Variants in TBC1D32 observed in about 807,000 individuals in gnomAD.
TBC1D32 encodes TBC1 domain family member 32.
In TBC1D32, 151 loss-of-function variants were observed where a neutral mutation model predicts 170.3. The observed-to-expected ratio is 0.89, with a 90% CI of 0.78 to 1.01. TBC1D32 has a LOEUF of 1.01. Ranked by LOEUF, TBC1D32 falls within the 50% of genes least tolerant of loss-of-function variation. The pLI, the probability that TBC1D32 is intolerant of heterozygous loss-of-function variation, is 0.00. For synonymous variants in TBC1D32, 498 were observed against 488.0 expected (o/e 1.02, Z -0.27); for missense variants, 1,464 against 1,457.1 (o/e 1.00, Z -0.08).
At position 121,212,446 on chromosome 6, in the gene TBC1D32, ATCTCT is replaced by A. The variant is rs1562928749; in HGVS notation, c.2482-7288_2482-7284del. ...ACAACAAAAAAAACTTCAGGTCAAT[ATCTCT>A]TTTTTTTTTTTTTTTTTTTTGAGAT... On this transcript the variant is annotated intron_variant, in intron 21 of 31. Coordinates refer to ENST00000398212, the MANE Select transcript of TBC1D32 (RefSeq NM_152730.6). Among the ~76,000 whole-genome samples the A allele has an allele frequency of 4.5e-4, 61 of 135,054 alleles. No homozygotes were observed. The South Asian group carries it at 0.013, about 28-fold the overall frequency. 88.6% of individuals were successfully genotyped at this position (135,054 alleles called of 152,430 possible).
chr6:121,316,426 C>T (rs1236709294), intron 3 of TBC1D32, among the ~76,000 whole-genome samples: 1 of 152,144 alleles, frequency 6.6e-6, no homozygotes, highest in Non-Finnish European at 1.5e-5. Flanking sequence ...AATAAACTTA[C>T]TAAACAAGCC....
intron 30 of TBC1D32, among the ~76,000 whole-genome samples, chr6:121,101,677 C>T (rs13219090): frequency 6.6e-6 from 1 of 152,106 alleles, no homozygotes; most frequent in Non-Finnish European, 1.5e-5. Flanking sequence ...AAAACTGGCA[C>T]AAGACAGGGA....
At chr6:121,155,425 A>G (rs1344706908) in intron 24 of TBC1D32, among the ~76,000 whole-genome samples, 1 of 152,140 alleles carries the variant, frequency 6.6e-6, no homozygotes, top group African/African-American at 2.4e-5. Flanking sequence ...TTCTATGTAT[A>G]GAATTGTATC....
At chr6:121,174,910 A>T (rs953300264) in intron 22 of TBC1D32, among the ~76,000 whole-genome samples, 1 of 151,268 alleles carries the variant, frequency 6.6e-6, no homozygotes, top group Non-Finnish European at 1.5e-5. Flanking sequence ...ACACACCCAT[A>T]GGTCCCAGCT....
chr6:121,086,047 TTC>T (rs1044809284), intron 31 of TBC1D32, among the ~76,000 whole-genome samples: 2 of 152,048 alleles, frequency 1.3e-5, no homozygotes, highest in African/African-American at 4.8e-5. Context: ...ACTCAGAAAA[TTC>T]TGTTTCCTTT....
intron 26 of TBC1D32, among the ~76,000 whole-genome samples, chr6:121,120,868 T>C (rs1404778759): frequency 5.3e-5 from 8 of 151,956 alleles, no homozygotes; most frequent in Non-Finnish European, 1.2e-4. Flanking sequence ...TTTCTTTGTT[T>C]TAATTCTCTT....
At chr6:121,172,448 T>G (rs1787163366) in intron 22 of TBC1D32, among the ~76,000 whole-genome samples, 1 of 152,124 alleles carries the variant, frequency 6.6e-6, no homozygotes. Flanking sequence ...GGTATTACCA[T>G]GCCCTGTGAT....
chr6:121,237,951 T>C (rs2128353221), intron 20 of TBC1D32, among the ~76,000 whole-genome samples: 1 of 152,154 alleles, frequency 6.6e-6, no homozygotes, highest in South Asian at 2.1e-4. Context: ...TCTATTATAC[T>C]CCCTGACAAA....
rs138999181 is a variant in TBC1D32 at position 121,263,138 on chromosome 6, T to C, written c.1734-6853A>G. ...CAATTAAAAGATACAGACTGGAAAA[T>C]TGGATAAAGAGTCAAGACGAATCAG... On this transcript the variant is annotated intron_variant, in intron 15 of 31. Coordinates refer to ENST00000398212, the MANE Select transcript of TBC1D32 (RefSeq NM_152730.6). 5.7e-3 allele frequency among the ~76,000 whole-genome samples: 868 copies of C among 151,930 alleles called. 9 individuals are homozygous for C. Among genetic ancestry groups the C allele is most frequent in the African/African-American group, 0.02 (824 of 41,456 alleles).
chr6:121,113,503 C>T (rs1779401083), intron 27 of TBC1D32, among the ~76,000 whole-genome samples: 1 of 151,998 alleles, frequency 6.6e-6, no homozygotes, highest in Admixed American at 6.6e-5. Context: ...TCTAGAAGTA[C>T]CTTTAGAGTT....
chr6:121,275,372 C>T (rs1802079281), intron 15 of TBC1D32, among the ~76,000 whole-genome samples: 2 of 152,088 alleles, frequency 1.3e-5, no homozygotes, highest in African/African-American at 4.8e-5. Flanking sequence ...TTCCTGTATG[C>T]ATACATAACT....
chr6:121,239,020 C>A (rs1410486932), intron 20 of TBC1D32, 50 bp downstream of exon 20: 1 of 1,022,382 alleles, frequency 9.8e-7, no homozygotes, highest in Non-Finnish European at 1.5e-6. Flanking sequence ...GAATTCATTT[C>A]TGTGAAATAC....
At chr6:121,186,018 T>C (rs983931209) in intron 22 of TBC1D32, among the ~76,000 whole-genome samples, 13 of 152,114 alleles carry the variant, frequency 8.5e-5, no homozygotes, top group South Asian at 2.1e-4. Flanking sequence ...TACATGAGTC[T>C]ATGAACTAAA....
At chr6:121,260,247 C>G (rs552379772) in intron 15 of TBC1D32, among the ~76,000 whole-genome samples, 4 of 151,794 alleles carry the variant, frequency 2.6e-5, no homozygotes, top group Admixed American at 2.6e-4. Context: ...TAAAAAAGAC[C>G]ATGATGAGAA....
intron 30 of TBC1D32, among the ~76,000 whole-genome samples, chr6:121,097,110 GCAATAC>G (rs1777504969): frequency 6.6e-6 from 1 of 152,016 alleles, no homozygotes; most frequent in Admixed American, 6.6e-5. Context: ...GAAAACCTAG[GCAATAC>G]CATTCAGAAC....
intron 22 of TBC1D32, among the ~76,000 whole-genome samples, chr6:121,189,264 A>G (rs1168564063): frequency 6.6e-6 from 1 of 152,064 alleles, no homozygotes; most frequent in African/African-American, 2.4e-5. Flanking sequence ...AAATCACAGC[A>G]TACTCAATCA....
At chr6:121,291,897 A>C (rs75562388) in intron 12 of TBC1D32, among the ~76,000 whole-genome samples, 156 bp downstream of exon 12, 4,961 of 152,188 alleles carry the variant, frequency 0.033, 189 homozygotes, top group East Asian at 0.12. Flanking sequence ...AACTAAAAGA[A>C]AACAAATACT....
In TBC1D32 at chr6:121,279,138, C is replaced by T. The variant is rs1223464058; in HGVS notation, c.1716G>A (p.Met572Ile). 9 of 1,603,866 alleles carry T rather than the reference C, an allele frequency of 5.6e-6. No individual in the cohort carries two copies. The highest frequency in any genetic ancestry group is 2.2e-5 in the East Asian group (1 of 44,654). ...GCACATACCTTTCTTCAGAAGAGTT[C>T]ATATTTGCTCCATAAAGGAGTAAAA... ...GLILLLYGAN[M>I]NSSEESPTGA... Residue 572 changes from methionine (M) to isoleucine (I), a missense_variant, in exon 15 of 32, where the codon ATG becomes ATA. By Grantham distance (10) the Met-to-Ile change is conservative. Around this residue, in one of 3 missense-constraint regions of TBC1D32, gnomAD observed 1,363 missense variants for 1,338.1 expected, o/e 1.02. Transcript: ENST00000398212.
chr6:121,198,200 T>TA (rs1791016241), intron 22 of TBC1D32, among the ~76,000 whole-genome samples: 1 of 128,198 alleles, frequency 7.8e-6, no homozygotes, highest in Non-Finnish European at 1.6e-5. Context: ...TAATATATAT[T>TA]TTATATATTA....
Sources: gnomAD v4.1 joint callset for allele counts (sites outside exome capture counted in the v4.1 genomes callset) on GRCh38, gnomAD v4.1.1 for gene constraint, gnomAD v4.1.1 regional missense constraint, MANE v1.5 for transcripts, NCBI Gene and HGNC (gene_info 2026-07-23, HGNC 2026-07-21) for gene names.